DDHD1: variants seen among roughly 807,000 people sequenced by gnomAD.
DDHD1 encodes the protein DDHD domain containing 1, also known as phospholipase DDHD1.
In DDHD1, 49 loss-of-function variants were observed where a neutral mutation model predicts 96.4. That is an observed-to-expected ratio of 0.51 (90% CI 0.40 to 0.64). The LOEUF is 0.64. DDHD1 is among the 30% of genes least tolerant of loss of function. The probability of loss-of-function intolerance (pLI) is 0.00; values close to 1 mark genes in which losing one functional copy is unlikely to be tolerated. For synonymous variants in DDHD1, 442 were observed against 446.5 expected (o/e 0.99, Z 0.13); for missense variants, 1,106 against 1,161.2 (o/e 0.95, Z 0.69).
chr14:53,064,804 G>A (rs1184516118), intron 6 of DDHD1, among the ~76,000 whole-genome samples: 1 of 152,048 alleles, frequency 6.6e-6, no homozygotes, highest in Non-Finnish European at 1.5e-5. Flanking sequence ...TTATGATTTT[G>A]AAAGCCAACT....
intron 5 of DDHD1, among the ~76,000 whole-genome samples, 186 bp from the exon 6 acceptor site, chr14:53,072,889 A>G (rs1316504823): frequency 1.3e-5 from 2 of 151,958 alleles, no homozygotes; most frequent in Non-Finnish European, 2.9e-5. Flanking sequence ...AAAAAACAGT[A>G]AAAGACAACA....
At chr14:53,133,229 G>C (rs1447808857) in intron 1 of DDHD1, among the ~76,000 whole-genome samples, 1 of 152,158 alleles carries the variant, frequency 6.6e-6, no homozygotes, top group Admixed American at 6.5e-5. Flanking sequence ...CCCCTGCCCA[G>C]GACTGGCAAA....
At chr14:53,125,832 G>C (rs1258243591) in intron 1 of DDHD1, among the ~76,000 whole-genome samples, 1 of 151,718 alleles carries the variant, frequency 6.6e-6, no homozygotes, top group African/African-American at 2.4e-5. Flanking sequence ...CTCCCGAGTA[G>C]CTGGGATTAC....
At chr14:53,081,323 G>T (rs555298929) in intron 4 of DDHD1, among the ~76,000 whole-genome samples, 1 of 152,288 alleles carries the variant, frequency 6.6e-6, no homozygotes, top group Non-Finnish European at 1.5e-5. Context: ...ATGCAAGGAA[G>T]AACATATTTA....
intron 6 of DDHD1, among the ~76,000 whole-genome samples, chr14:53,065,157 A>C (rs1401813885): frequency 1.3e-5 from 2 of 152,184 alleles, no homozygotes; most frequent in Non-Finnish European, 2.9e-5. Flanking sequence ...AATTTCCATA[A>C]CCACTGCTCA....
Position 53,052,022 on chromosome 14 carries a change from CA to C in DDHD1, c.2438-96del. 7.2e-6 allele frequency: 6 copies of C among 828,108 alleles called. No homozygotes were observed. In the South Asian group the frequency reaches 7.6e-5, roughly 11 times the overall value. 51.3% of individuals were successfully genotyped at this position (828,108 alleles called of 1,614,324 possible). On this transcript the variant is annotated intron_variant, in intron 11 of 12. Transcript: ENST00000673822. ...TGGCCAAAAGTTAGAACAATACTCC[CA>C]AATAAACTGACTAAATCTAGCATAC...
intron 1 of DDHD1, among the ~76,000 whole-genome samples, chr14:53,120,002 G>A (rs1888860126): frequency 6.6e-6 from 1 of 152,142 alleles, no homozygotes; most frequent in Non-Finnish European, 1.5e-5. Flanking sequence ...AGGAAGAGAG[G>A]AAATCAAATT....
chr14:53,070,134 G>T (rs536329183), intron 6 of DDHD1, among the ~76,000 whole-genome samples: 67 of 152,148 alleles, frequency 4.4e-4, no homozygotes, highest in Non-Finnish European at 7.9e-4. Context: ...ATGTGTATTT[G>T]TATGGTAACA....
chr14:53,077,201 A>G (rs775438231), intron 4 of DDHD1, among the ~76,000 whole-genome samples: 2 of 152,030 alleles, frequency 1.3e-5, no homozygotes, highest in Non-Finnish European at 2.9e-5. Flanking sequence ...CGAGACTACT[A>G]CTCCATATGT....
intron 4 of DDHD1, among the ~76,000 whole-genome samples, chr14:53,088,356 G>C (rs910898016): frequency 6.6e-6 from 1 of 152,066 alleles, no homozygotes; most frequent in Non-Finnish European, 1.5e-5. Context: ...GCCTGGCAGA[G>C]ACACAACAAA....
rs762132025 is a variant in DDHD1, at chr14:53,058,597, T to C, written c.1872A>G (p.Pro624=). ...KVENFFCMGS[P]LAVFLALRGI... Reference sequence around the variant, plus strand: ...CACGCAACGCCAAGAAAACTGCTAATGGGGATCCCATACAGAAGAAATTCT... The same window carrying C: ...CACGCAACGCCAAGAAAACTGCTAACGGGGATCCCATACAGAAGAAATTCT... Residue 624 remains proline, a synonymous_variant, in exon 9 of 13, where the codon CCA becomes CCG. Transcript: ENST00000673822. The C allele has an allele frequency of 1.9e-6, 3 of 1,613,096 alleles. No homozygotes were observed. The highest frequency in any genetic ancestry group is 2.5e-6 in the Non-Finnish European group (3 of 1,179,732).
rs572355333 is a variant in DDHD1 at position 53,124,219 on chromosome 14, GA to G, written c.839-20364del. ...CAGTGCACTCCAGCCTGGGCGACAAGAGTGAAACTCTGTCTCAAAAAAAAAA... is the reference window on the plus strand; with the variant it reads ...CAGTGCACTCCAGCCTGGGCGACAAGGTGAAACTCTGTCTCAAAAAAAAAA... On this transcript the variant is annotated intron_variant, in intron 1 of 12. Transcript: ENST00000673822. 5.8e-3 allele frequency among the ~76,000 whole-genome samples: 846 copies of G among 145,896 alleles called. 8 individuals are homozygous for G. Among genetic ancestry groups the G allele is most frequent in the African/African-American group, 0.021 (780 of 36,790 alleles).
In DDHD1 at chr14:53,103,666, G is replaced by C; in HGVS notation, c.1012+17C>G. 2 of 1,588,850 alleles carry C rather than the reference G, an allele frequency of 1.3e-6. No individual in the cohort carries two copies. Among genetic ancestry groups the C allele is most frequent in the East Asian group, 2.3e-5 (1 of 44,200 alleles). ...ACTTGGTTTGTAGAATATATTAAAT[G>C]TATCAATTGATCTTACCATCTTTTC... On this transcript the variant is annotated intron_variant, in intron 2 of 12. Transcript: ENST00000673822.
intron 1 of DDHD1, among the ~76,000 whole-genome samples, chr14:53,126,586 T>C (rs1465136555): frequency 2.0e-5 from 3 of 152,206 alleles, no homozygotes; most frequent in African/African-American, 7.2e-5. Context: ...CAGGATGCTC[T>C]TGAACTCCTG....
Position 53,041,191 on chromosome 14 carries a change from C to A in DDHD1, c.*5577G>T, listed in dbSNP as rs1881619171. 1 of 151,964 alleles carries A rather than the reference C, an allele frequency of 6.6e-6. No homozygotes were observed. The highest frequency in any genetic ancestry group is 6.6e-5 in the Admixed American group (1 of 15,224). The allele number at this position is 151,964 out of a possible 1,614,324, so 9.4% of individuals were successfully genotyped here. Reference sequence around the variant, plus strand: ...CCAACAGAAGACCAGATGTAATCTTCCTAAAGAATATTCCCCAACATATCC... The same window carrying A: ...CCAACAGAAGACCAGATGTAATCTTACTAAAGAATATTCCCCAACATATCC... On this transcript the variant is annotated 3_prime_UTR_variant, in exon 13 of 13. Coordinates refer to ENST00000673822, the MANE Select transcript of DDHD1 (RefSeq NM_001160148.2).
At position 53,096,085 on chromosome 14, in the gene DDHD1, T is replaced by C. The variant is rs1595167892; in HGVS notation, c.1013-2641A>G. 1.3e-5 allele frequency: 12 copies of C among 948,890 alleles called. No homozygotes were observed. The South Asian group carries it at 5.8e-4, about 46-fold the overall frequency. The allele number at this position is 948,890 out of a possible 1,614,324, so 58.8% of individuals were successfully genotyped here. A position where few individuals can be genotyped will look rare whatever the true frequency, so the allele number is the denominator to read the frequency against. On this transcript the variant is annotated intron_variant, in intron 2 of 12. Transcript: ENST00000673822. ...GAATACTATAAGCCAGGAATATAAC[T>C]ACATGGAGAAATAAAACTACAATTA... is the stretch of plus-strand genomic sequence containing the variant.
chr14:53,084,101 C>A (rs1279358929), intron 4 of DDHD1, among the ~76,000 whole-genome samples: 2 of 152,172 alleles, frequency 1.3e-5, no homozygotes, highest in African/African-American at 4.8e-5. Context: ...GAAGTTGGAT[C>A]AACATCATTA....
intron 1 of DDHD1, among the ~76,000 whole-genome samples, chr14:53,104,463 T>C (rs1179705511): frequency 6.6e-6 from 1 of 152,322 alleles, no homozygotes; most frequent in Non-Finnish European, 1.5e-5. Context: ...TTCCAATGTC[T>C]TAGAAAATAT....
intron 12 of DDHD1, chr14:53,048,970 T>C (rs1882289936): frequency 6.6e-6 from 1 of 152,174 alleles, no homozygotes; most frequent in African/African-American, 2.4e-5. Flanking sequence ...TTCATAATGT[T>C]TTCCTAGTCC....
Sources: gnomAD v4.1 joint callset for allele counts (sites outside exome capture counted in the v4.1 genomes callset) on GRCh38, gnomAD v4.1.1 for gene constraint, MANE v1.5 for transcripts, NCBI Gene and HGNC (gene_info 2026-07-23, HGNC 2026-07-21) for gene names.